The following RECK variants were observed in gnomAD, a reference collection of about 807,000 sequenced individuals.
RECK encodes the protein reversion inducing cysteine rich protein with kazal motifs, also known as reversion-inducing cysteine-rich protein with Kazal motifs.
In RECK, 69 loss-of-function variants were observed where a neutral mutation model predicts 115.1. The ratio of observed to expected loss-of-function variants is 0.60; its 90% CI spans 0.49 to 0.73. RECK has a LOEUF of 0.73. RECK is among the 30% of genes least tolerant of loss of function. RECK has a pLI of 0.00. For synonymous variants in RECK, 414 were observed against 419.7 expected (o/e 0.99, Z 0.17); for missense variants, 1,047 against 1,203.7 (o/e 0.87, Z 1.93).
At chr9:36,097,457 T>C (rs746427713) in intron 10 of RECK, among the ~76,000 whole-genome samples, 5 of 151,712 alleles carry the variant, frequency 3.3e-5, no homozygotes, top group South Asian at 2.1e-4. Flanking sequence ...ATCAGTGAAA[T>C]ACAAATTAAA....
In RECK at chr9:36,058,818, G is replaced by C; in HGVS notation, c.160-9G>C. ...ATGCCACAAAAACTTTTTTTTTTTT[G>C]TCAAATAGATTTTCTCCTCAAAAAG... is the stretch of plus-strand genomic sequence containing the variant. On this transcript the variant is annotated splice_polypyrimidine_tract_variant and intron_variant, in intron 2 of 20. Coordinates refer to ENST00000377966, the MANE Select transcript of RECK (RefSeq NM_021111.3). 7.1e-7 allele frequency: 1 copy of C among 1,417,396 alleles called. No individual in the cohort carries two copies. Among genetic ancestry groups the C allele is most frequent in the Non-Finnish European group, 9.2e-7 (1 of 1,087,444 alleles). 87.8% of individuals were successfully genotyped at this position (1,417,396 alleles called of 1,614,324 possible).
chr9:36,105,181 C>T lies in RECK; in HGVS notation c.1474C>T (p.His492Tyr), dbSNP rs146554287. 5.6e-6 allele frequency: 9 copies of T among 1,614,076 alleles called. No homozygotes were observed. In the East Asian group the frequency reaches 1.8e-4, roughly 32 times the overall value. Residue 492 changes from histidine (H) to tyrosine (Y), a missense_variant, in exon 13 of 21, where the codon CAT becomes TAT. By Grantham distance (83) the His-to-Tyr change is moderately conservative. Coordinates refer to ENST00000377966, the MANE Select transcript of RECK (RefSeq NM_021111.3). ...TLGNIVEEVTHPCNPNPCPAN... is the reference protein window; with the variant it reads ...TLGNIVEEVTYPCNPNPCPAN... ...AGGTAACATTGTAGAAGAAGTGACT[C>T]ATCCCTGTAACCCAAATCCTTGCCC...
chr9:36,042,423 AGTGTGTGTGTGTGT>A (rs35193636), intron 1 of RECK, among the ~76,000 whole-genome samples: 25 of 144,458 alleles, frequency 1.7e-4, no homozygotes, highest in East Asian at 4.1e-4. Context: ...AGTATTCCAT[AGTGTGTGTGTGTGT>A]GTGTGTGTGT....
intron 10 of RECK, among the ~76,000 whole-genome samples, chr9:36,093,556 A>G (rs1325174508): frequency 6.6e-6 from 1 of 152,212 alleles, no homozygotes; most frequent in African/African-American, 2.4e-5. Flanking sequence ...GACACAGCAG[A>G]AGAAAAAGGT....
At chr9:36,099,335 T>G (rs993760526) in intron 10 of RECK, among the ~76,000 whole-genome samples, 3 of 152,152 alleles carry the variant, frequency 2.0e-5, no homozygotes, top group African/African-American at 7.2e-5. Flanking sequence ...GAAGCAGATA[T>G]GAAAATCCAC....
chr9:36,089,967 T>TACACACACACACACACACAC (rs55678229), intron 9 of RECK, among the ~76,000 whole-genome samples: 3 of 143,898 alleles, frequency 2.1e-5, no homozygotes, highest in African/African-American at 7.7e-5. Flanking sequence ...CTACTAAAAA[T>TACACACACACACACACACAC]ACACACACAC....
In RECK at chr9:36,123,172, A is replaced by T; in HGVS notation, c.*127A>T. ...CACATGTCACCTCTATTCGCCACAC[A>T]GTATTTTTTTTTTTAATCCGCCAAT... On this transcript the variant is annotated 3_prime_UTR_variant, in exon 21 of 21. Coordinates refer to ENST00000377966, the MANE Select transcript of RECK (RefSeq NM_021111.3). 3.0e-6 allele frequency: 2 copies of T among 655,866 alleles called. No individual in the cohort carries two copies. The highest frequency in any genetic ancestry group is 5.0e-6 in the Non-Finnish European group (2 of 396,804). The allele number at this position is 655,866 out of a possible 1,614,324, so 40.6% of individuals were successfully genotyped here. A position where few individuals can be genotyped will look rare whatever the true frequency, so the allele number is the denominator to read the frequency against.
chr9:36,097,615 A>G (rs774658344), intron 10 of RECK, among the ~76,000 whole-genome samples: 1 of 152,152 alleles, frequency 6.6e-6, no homozygotes, highest in Non-Finnish European at 1.5e-5. Flanking sequence ...GGGAAACAGT[A>G]TGGGGGGTCC....
intron 16 of RECK, among the ~76,000 whole-genome samples, chr9:36,115,402 AT>A (rs1336585002): frequency 1.3e-5 from 2 of 150,830 alleles, no homozygotes; most frequent in Non-Finnish European, 3.0e-5. Flanking sequence ...TTTTCTAAAC[AT>A]TAGGACATAA....
intron 20 of RECK, among the ~76,000 whole-genome samples, chr9:36,122,053 G>A (rs958980440): frequency 1.3e-5 from 2 of 152,198 alleles, no homozygotes; most frequent in Non-Finnish European, 2.9e-5. Flanking sequence ...ACTGGTGCAG[G>A]TCATGCAGTG....
intron 13 of RECK, among the ~76,000 whole-genome samples, chr9:36,105,962 G>C (rs7874238): frequency 0.026 from 4,018 of 152,038 alleles, 186 homozygotes; most frequent in African/African-American, 0.09. Flanking sequence ...GCCTGTAATC[G>C]CAGCACTTTG....
chr9:36,119,115 G>A, intron 18 of RECK, 148 bp downstream of exon 18: 2 of 800,028 alleles, frequency 2.5e-6, no homozygotes, highest in East Asian at 2.7e-5. Flanking sequence ...CACTACTTTG[G>A]GTTGACCTTA....
chr9:36,102,440 G>C (rs1823598280), intron 12 of RECK, among the ~76,000 whole-genome samples: 1 of 152,176 alleles, frequency 6.6e-6, no homozygotes. Context: ...GATTCTATCA[G>C]TCTGAGGAGG....
intron 16 of RECK, among the ~76,000 whole-genome samples, chr9:36,115,240 G>A (rs564439617): frequency 7.2e-5 from 11 of 151,922 alleles, no homozygotes; most frequent in African/African-American, 9.7e-5. Context: ...TCTTGAACCC[G>A]GGAAGCAGAG....
intron 2 of RECK, among the ~76,000 whole-genome samples, chr9:36,052,727 TTAAA>T (rs138684000): frequency 0.017 from 2,535 of 152,236 alleles, 54 homozygotes; most frequent in East Asian, 0.061. Flanking sequence ...CCTGTACTCT[TTAAA>T]AATGTCAGTG....
At chr9:36,119,146 G>A (rs562299713) in intron 18 of RECK, among the ~76,000 whole-genome samples, 179 bp downstream of exon 18, 23 of 152,292 alleles carry the variant, frequency 1.5e-4, no homozygotes, top group Non-Finnish European at 2.4e-4. Flanking sequence ...GCTTGCCTTC[G>A]ATATCATCTG....
intron 6 of RECK, among the ~76,000 whole-genome samples, chr9:36,079,621 T>G (rs558263279): frequency 6.6e-6 from 1 of 152,334 alleles, no homozygotes; most frequent in South Asian, 2.1e-4. Context: ...AGCTGATCCT[T>G]TAACAAATCC....
intron 1 of RECK, among the ~76,000 whole-genome samples, chr9:36,043,358 A>G (rs577897111): frequency 6.6e-6 from 1 of 151,342 alleles, no homozygotes; most frequent in South Asian, 2.1e-4. Context: ...CCCACTTTTT[A>G]ATGGACTGTT....
In RECK at chr9:36,065,228, T is replaced by TAAAAAAAAAAA. The variant is rs561725701; in HGVS notation, c.358-332_358-322dup. On this transcript the variant is annotated intron_variant, in intron 5 of 20. Transcript: ENST00000377966. ...AATTTGCTACAGAGTGGAATTCAGCTAAAAAAAAAAAAAAAAAAAAAAAAA... is the reference window on the plus strand; with the variant it reads ...AATTTGCTACAGAGTGGAATTCAGCTAAAAAAAAAAAAAAAAAAAAAAAAAAAAAAAAAAAA... Among the ~76,000 whole-genome samples, 14 of 50,556 alleles carry TAAAAAAAAAAA rather than the reference T, an allele frequency of 2.8e-4. 1 individual carries two copies. The highest frequency in any genetic ancestry group is 5.3e-4 in the Admixed American group (2 of 3,756). 33.2% of individuals were successfully genotyped at this position (50,556 alleles called of 152,430 possible).
Sources: gnomAD v4.1 joint callset for allele counts (sites outside exome capture counted in the v4.1 genomes callset) on GRCh38, gnomAD v4.1.1 for gene constraint, MANE v1.5 for transcripts, NCBI Gene and HGNC (gene_info 2026-07-23, HGNC 2026-07-21) for gene names.